The following TNXB variants were observed in gnomAD, a reference collection of about 807,000 sequenced individuals.
TNXB encodes tenascin-X.
TNXB carries 183 observed loss-of-function variants against 340.5 expected under a neutral mutation model. The observed-to-expected ratio is 0.54, with a 90% CI of 0.48 to 0.61. The LOEUF is 0.61. Ranked by LOEUF, TNXB falls within the 20% of genes least tolerant of loss-of-function variation. The pLI is 0.00. For synonymous variants in TNXB, 2,121 were observed against 2,314.5 expected (o/e 0.92, Z 2.40); for missense variants, 4,613 against 5,446.4 (o/e 0.85, Z 4.82).
Position 32,081,513 on chromosome 6 carries a change from CT to C in TNXB, c.3896del (p.Gln1299ArgfsTer29). ...CAACAGGCACTGCCTGGGGCTGCCCCTGTGCATCCTTGTACTGGACCATGAA... is the reference window on the plus strand; with the variant it reads ...CAACAGGCACTGCCTGGGGCTGCCCCGTGCATCCTTGTACTGGACCATGAA... ...DSFMVQYKDA[Q>X]GQPQAVPVAG... is the part of the protein sequence containing the mutation. On this transcript the variant is annotated frameshift_variant, in exon 10 of 44. Transcript: ENST00000644971. LOFTEE classifies it high-confidence loss of function. The surrounding 1 kb of genome is among the most constrained non-coding windows in gnomAD (Gnocchi z 5.1). 1 of 1,607,492 alleles carries C rather than the reference CT, an allele frequency of 6.2e-7. No homozygotes were observed. The highest frequency in any genetic ancestry group is 8.5e-7 in the Non-Finnish European group (1 of 1,177,074).
rs1338936370 is a variant in TNXB, at chr6:32,096,584, C to T, written c.1269G>A (p.Pro423=). ...RCEDGRCVCW[P]GYTGTDCGSR... Reference sequence around the variant, plus strand: ...AGCCGCAATCGGTTCCAGTGTACCCCGGCCAGCACACGCAGCGGCCGTCCT... The same window carrying T: ...AGCCGCAATCGGTTCCAGTGTACCCTGGCCAGCACACGCAGCGGCCGTCCT... The change falls in exon 3 of 44, where the codon CCG becomes CCA. Residue 423 remains proline (P), a synonymous_variant. Transcript: ENST00000644971. 1.3e-6 allele frequency: 2 copies of T among 1,592,214 alleles called. No homozygotes were observed. Among genetic ancestry groups the T allele is most frequent in the Non-Finnish European group, 1.7e-6 (2 of 1,173,052 alleles).
chr6:32,071,904 G>A, intron 13 of TNXB, 86 bp downstream of exon 13: 1 of 1,219,942 alleles, frequency 8.2e-7, no homozygotes. Context: ...AGAGCAGGTG[G>A]ACAAAGGGAA....
rs576485554 is a variant in TNXB, at chr6:32,082,050, G to A, written c.3722C>T (p.Ala1241Val). 4 of 1,604,804 alleles carry A rather than the reference G, an allele frequency of 2.5e-6. No individual in the cohort carries two copies. Among genetic ancestry groups the A allele is most frequent in the South Asian group, 2.2e-5 (2 of 89,630 alleles). The change falls in exon 9 of 44, where the codon GCC (alanine) becomes GTC (valine). Residue 1241 changes from alanine (A) to valine (V), a missense_variant. Around this residue, in one of 7 missense-constraint regions of TNXB, gnomAD observed 4,327 missense variants for 4,859.4 expected, o/e 0.89. Transcript: ENST00000644971. This position sits in a 1 kb window ranked among gnomAD's most constrained non-coding sequence, Gnocchi z 5.0. The stretch of plus-strand genomic sequence containing the variant: ...CTGCTACTCACCAGTGGTGCCATCG[G>A]CCGTGAGGGGGCCATACCGCTTCTT... ...ANKKRYGPLT[A>V]DGTTAPERKE... is the part of the protein sequence containing the mutation.
chr6:32,073,896 C>T lies in TNXB; in HGVS notation c.4432G>A (p.Gly1478Arg), dbSNP rs540029834. The change falls in exon 12 of 44, where the codon GGA (glycine) becomes AGA (arginine). Residue 1478 changes from glycine (G) to arginine (R), a missense_variant. Physicochemically the swap from Gly to Arg is moderately radical, Grantham distance 125. Around this residue, in one of 7 missense-constraint regions of TNXB, gnomAD observed 4,327 missense variants for 4,859.4 expected, o/e 0.89. Transcript: ENST00000644971. The surrounding 1 kb of genome is among the most constrained non-coding windows in gnomAD (Gnocchi z 4.6). The part of the protein sequence containing the change: ...ATESPLEPRL[G>R]ELTVTDVTPN... ...GTCACATCTGTCACTGTCAGCTCTC[C>T]TAGGCGTGGCTCCAGCGGGGACTCA... The T allele has an allele frequency of 5.6e-6, 9 of 1,609,074 alleles. No individual in the cohort carries two copies. The African/African-American group carries it at 1.1e-4, about 19-fold the overall frequency.
At position 32,089,471 on chromosome 6, in the gene TNXB, G is replaced by C; in HGVS notation, c.2359-92C>G. On this transcript the variant is annotated intron_variant, in intron 4 of 43. Transcript: ENST00000644971. The surrounding 1 kb of genome is among the most constrained non-coding windows in gnomAD (Gnocchi z 6.2). ...TCTCTTCTTTCTCCAATTCTAAACA[G>C]TGTCAGCATGGTACTGTGTGGAACT... 6.8e-7 allele frequency: 1 copy of C among 1,470,498 alleles called. No homozygotes were observed. The highest frequency in any genetic ancestry group is 9.1e-7 in the Non-Finnish European group (1 of 1,098,596). The allele number at this position is 1,470,498 out of a possible 1,614,324, so 91.1% of individuals were successfully genotyped here.
intron 4 of TNXB, among the ~76,000 whole-genome samples, chr6:32,091,197 G>A (rs1438136106): frequency 1.3e-5 from 2 of 152,096 alleles, no homozygotes; most frequent in South Asian, 2.1e-4. Context: ...CGCGAGCTCC[G>A]CCTCCCGGGT....
intron 24 of TNXB, 56 bp downstream of exon 24, chr6:32,055,795 A>G (rs1777585856): frequency 1.3e-6 from 2 of 1,563,770 alleles, no homozygotes; most frequent in East Asian, 4.5e-5. Flanking sequence ...GTTTTCATGA[A>G]GTTGCAGAGA....
At chr6:32,095,482 C>T (rs886733809) in intron 3 of TNXB, 129 bp downstream of exon 3, 4 of 1,228,708 alleles carry the variant, frequency 3.3e-6, no homozygotes, top group Non-Finnish European at 3.4e-6. Flanking sequence ...GTTCTGCTGC[C>T]CCTGGTGGGC....
At position 32,097,850 on chromosome 6, in the gene TNXB, GC is replaced by G; in HGVS notation, c.348del (p.Leu117SerfsTer35). The G allele has an allele frequency of 6.5e-7, 1 of 1,535,362 alleles. No individual in the cohort carries two copies. The highest frequency in any genetic ancestry group is 8.8e-7 in the Non-Finnish European group (1 of 1,135,996). ...CATCCCCCAGTGCACTGTTCCTTGA[GC>G]CCCTTCACCAACTCCTCCAGGATCT... Reference protein sequence around the residue: ...RLEILEELVKGLKEQCTGGCC... With the variant: ...RLEILEELVKXLKEQCTGGCC... On this transcript the variant is annotated frameshift_variant, in exon 2 of 44. Transcript: ENST00000644971. LOFTEE classifies it high-confidence loss of function. The surrounding 1 kb of genome is among the most constrained non-coding windows in gnomAD (Gnocchi z 5.9).
rs566760670 is a variant in TNXB, at chr6:32,043,593, G to A, written c.11531-37C>T. The A allele has an allele frequency of 4.1e-6, 5 of 1,217,252 alleles. No individual in the cohort carries two copies. In the East Asian group the frequency reaches 7.0e-5, roughly 17 times the overall value. The allele number at this position is 1,217,252 out of a possible 1,614,324, so 75.4% of individuals were successfully genotyped here. A position where few individuals can be genotyped will look rare whatever the true frequency, so the allele number is the denominator to read the frequency against. ...GGAGGGGCTCAGAAGGGTCCCCGCG[G>A]CTCTCTCTACTCCGTGCCTCCCCAG... On this transcript the variant is annotated intron_variant, in intron 35 of 43. Transcript: ENST00000644971.
Position 32,067,561 on chromosome 6 carries a change from C to G in TNXB, c.6544+100G>C. 1 of 1,436,190 alleles carries G rather than the reference C, an allele frequency of 7.0e-7. No individual in the cohort carries two copies. 89.0% of individuals were successfully genotyped at this position (1,436,190 alleles called of 1,614,324 possible). ...AGCCTTTAGTGAACAGGGTGTATTACAGGTTTGAGGTCTTGGGGTTCTGGG... is the reference window on the plus strand; with the variant it reads ...AGCCTTTAGTGAACAGGGTGTATTAGAGGTTTGAGGTCTTGGGGTTCTGGG... On this transcript the variant is annotated intron_variant, in intron 18 of 43. Coordinates refer to ENST00000644971, the MANE Select transcript of TNXB (RefSeq NM_001365276.2). The surrounding 1 kb of genome is among the most constrained non-coding windows in gnomAD (Gnocchi z 4.2).
rs1393038990 is a variant in TNXB at position 32,046,187 on chromosome 6, G to C, written c.10594C>G (p.Leu3532Val). The change falls in exon 31 of 44, where the codon CTG becomes GTG. Residue 3532 changes from leucine (L) to valine (V), a missense_variant. Around this residue, in one of 7 missense-constraint regions of TNXB, gnomAD observed 4,327 missense variants for 4,859.4 expected, o/e 0.89. Coordinates refer to ENST00000644971, the MANE Select transcript of TNXB (RefSeq NM_001365276.2). The surrounding 1 kb of genome is among the most constrained non-coding windows in gnomAD (Gnocchi z 6.9). ...ACAGCAGCCTCACCTGTCATTCCCA[G>C]GGCAGAGACCGGGCCCAGGCGCTTT... ...GGKRLGPVSA[L>V]GMTAPEEDTP... 1.3e-6 allele frequency: 2 copies of C among 1,584,324 alleles called. No individual in the cohort carries two copies. Among genetic ancestry groups the C allele is most frequent in the South Asian group, 1.1e-5 (1 of 88,922 alleles).
intron 1 of TNXB, among the ~76,000 whole-genome samples, chr6:32,105,777 T>C (rs749980617): frequency 2.6e-5 from 4 of 152,148 alleles, no homozygotes; most frequent in Non-Finnish European, 5.9e-5. Context: ...ATCTACTAAA[T>C]GTACTAAAGG....
chr6:32,042,203 G>A (rs1159473806), intron 41 of TNXB, 30 bp from the exon 42 acceptor site: 1 of 775,278 alleles, frequency 1.3e-6, no homozygotes, highest in South Asian at 1.5e-5. Context: ...CCTCATCAGG[G>A]TCCTGGTGTC....
intron 29 of TNXB, 125 bp from the exon 30 acceptor site, chr6:32,048,137 A>T: frequency 7.9e-7 from 1 of 1,262,770 alleles, no homozygotes; most frequent in Non-Finnish European, 1.1e-6. Context: ...AGGAGTAGGA[A>T]TAAAAGAGGA....
At position 32,079,364 on chromosome 6, in the gene TNXB, A is replaced by T; in HGVS notation, c.4044T>A (p.Ala1348=). 6.3e-7 allele frequency: 1 copy of T among 1,597,642 alleles called. No homozygotes were observed. The highest frequency in any genetic ancestry group is 8.5e-7 in the Non-Finnish European group (1 of 1,172,056). ...GGGTCTCGTCCACATCCTCCTGAGG[A>T]GCTGAGAGAAGAGATAGAGGCATAA... ...VGPESVVAKT[A]PQEDVDETPS... Residue 1348 remains alanine, a splice_region_variant and synonymous_variant, in exon 11 of 44, where the codon GCT becomes GCA. Coordinates refer to ENST00000644971, the MANE Select transcript of TNXB (RefSeq NM_001365276.2). The surrounding 1 kb of genome is among the most constrained non-coding windows in gnomAD (Gnocchi z 7.1).
rs1276567561 is a variant in TNXB at position 32,087,336 on chromosome 6, G to A, written c.2780-1218C>T. On this transcript the variant is annotated intron_variant, in intron 6 of 43. Coordinates refer to ENST00000644971, the MANE Select transcript of TNXB (RefSeq NM_001365276.2). The surrounding 1 kb of genome is among the most constrained non-coding windows in gnomAD (Gnocchi z 9.0). ...CCACGTGGTAGGTGGTGCCGGGCCT[G>A]AGGTCGGGCAGGCTGACGGTGCGCG... The A allele has an allele frequency of 1.9e-5, 9 of 486,210 alleles. No homozygotes were observed. The highest frequency in any genetic ancestry group is 3.7e-5 in the Non-Finnish European group (9 of 244,056). 30.1% of individuals were successfully genotyped at this position (486,210 alleles called of 1,614,324 possible).
At position 32,046,591 on chromosome 6, in the gene TNXB, A is replaced by G; in HGVS notation, c.10325-135T>C. Reference sequence around the variant, plus strand: ...CAGGGACAGCTCCTTGAGGAGACACACAGGCCTGCTCCCGCCATGCCCCAC... The same window carrying G: ...CAGGGACAGCTCCTTGAGGAGACACGCAGGCCTGCTCCCGCCATGCCCCAC... On this transcript the variant is annotated intron_variant, in intron 30 of 43. Transcript: ENST00000644971. The surrounding 1 kb of genome is among the most constrained non-coding windows in gnomAD (Gnocchi z 6.9). 1 of 729,384 alleles carries G rather than the reference A, an allele frequency of 1.4e-6. No homozygotes were observed. Among genetic ancestry groups the G allele is most frequent in the Non-Finnish European group, 2.1e-6 (1 of 475,772 alleles). 45.2% of individuals were successfully genotyped at this position (729,384 alleles called of 1,614,324 possible).
Position 32,087,940 on chromosome 6 carries a change from TTGGGGGGCGGGGC to T in TNXB, c.2779+832_2779+844del. On this transcript the variant is annotated intron_variant, in intron 6 of 43. Coordinates refer to ENST00000644971, the MANE Select transcript of TNXB (RefSeq NM_001365276.2). This position sits in a 1 kb window ranked among gnomAD's most constrained non-coding sequence, Gnocchi z 9.0. ...GGCTGGGGCTGGCCGGGGCCGGGAC[TTGGGGGGCGGGGC>T]TGGGGGGCGCACCTCCGGGTAACTG... 1 of 267,898 alleles carries T rather than the reference TTGGGGGGCGGGGC, an allele frequency of 3.7e-6. No homozygotes were observed. The highest frequency in any genetic ancestry group is 7.3e-6 in the Non-Finnish European group (1 of 137,174). 16.6% of individuals were successfully genotyped at this position (267,898 alleles called of 1,614,324 possible).
Sources: gnomAD v4.1 joint callset for allele counts (sites outside exome capture counted in the v4.1 genomes callset) on GRCh38, gnomAD v4.1.1 for gene constraint, gnomAD v4.1.1 regional missense constraint, Gnocchi (gnomAD v3.1) non-coding constraint, MANE v1.5 for transcripts, NCBI Gene and HGNC (gene_info 2026-07-23, HGNC 2026-07-21) for gene names.